AMZ2: variants seen among roughly 807,000 people sequenced by gnomAD.
AMZ2 encodes archaemetzincin-2.
AMZ2 carries 26 observed loss-of-function variants against 36.7 expected under a neutral mutation model. That is an observed-to-expected ratio of 0.71 (90% CI 0.52 to 0.98). The LOEUF (loss-of-function observed/expected upper bound fraction) is 0.98. AMZ2 is among the 50% of genes least tolerant of loss of function. The pLI is 0.00. For synonymous variants in AMZ2, 144 were observed against 149.1 expected (o/e 0.97, Z 0.25); for missense variants, 394 against 430.5 (o/e 0.92, Z 0.75).
At chr17:68,256,776 G>A in intron 6 of AMZ2, 38 bp from the exon 7 acceptor site, 4 of 1,597,516 alleles carry the variant, frequency 2.5e-6, no homozygotes, top group South Asian at 2.2e-5. Flanking sequence ...GTATTTTGCT[G>A]TGGTTTGTTG....
chr17:68,231,698 C>T (rs2073667570), intron 1 of AMZ2, among the ~76,000 whole-genome samples: 1 of 151,532 alleles, frequency 6.6e-6, no homozygotes, highest in African/African-American at 2.4e-5. Flanking sequence ...ACAGAATTAC[C>T]TTTCTTTTCT....
At chr17:68,210,298 A>T (rs1197058023) in intron 1 of AMZ2, among the ~76,000 whole-genome samples, 1 of 152,270 alleles carries the variant, frequency 6.6e-6, no homozygotes, top group African/African-American at 2.4e-5. Flanking sequence ...CATGTGCATT[A>T]ACTGATGAAT....
At chr17:68,215,236 A>G (rs1263537160) in intron 1 of AMZ2, among the ~76,000 whole-genome samples, 2 of 151,862 alleles carry the variant, frequency 1.3e-5, no homozygotes, top group Admixed American at 6.6e-5. Flanking sequence ...ATTTTAAGAA[A>G]TATGTGTAAA....
intron 1 of AMZ2, among the ~76,000 whole-genome samples, chr17:68,236,740 T>A (rs1444738440): frequency 3.0e-5 from 4 of 132,612 alleles, no homozygotes; most frequent in African/African-American, 6.3e-5. Flanking sequence ...TCCCAGCTAA[T>A]TTTTTTTTTA....
intron 1 of AMZ2, chr17:68,206,334 C>T (rs2072829715): frequency 8.5e-7 from 1 of 1,170,210 alleles, no homozygotes; most frequent in South Asian, 4.4e-5. Flanking sequence ...TCCGATCTCC[C>T]CCCAACCCCG....
chr17:68,207,817 G>A (rs12938265), intron 1 of AMZ2, among the ~76,000 whole-genome samples: 19,012 of 152,236 alleles, frequency 0.12, 1,331 homozygotes, highest in Non-Finnish European at 0.16. Flanking sequence ...GGCTGGCCAA[G>A]GCTGGAGCCG....
exon 1 of AMZ2, chr17:68,206,191 G>T: frequency 7.7e-7 from 1 of 1,304,806 alleles, no homozygotes; most frequent in Non-Finnish European, 9.8e-7. Flanking sequence ...GCCAGTTACT[G>T]CACAGAAAGC....
upstream of AMZ2, among the ~76,000 whole-genome samples, chr17:68,244,661 G>T (rs1291375635): frequency 2.0e-5 from 3 of 152,206 alleles, no homozygotes; most frequent in Non-Finnish European, 4.4e-5. Flanking sequence ...ACACAAAAAG[G>T]ATGAGAATGA....
At chr17:68,228,891 C>T (rs782330261) in intron 1 of AMZ2, among the ~76,000 whole-genome samples, 2 of 152,234 alleles carry the variant, frequency 1.3e-5, no homozygotes, top group Admixed American at 6.5e-5. Flanking sequence ...TCCGCGTGTG[C>T]TGGCCTGTTG....
chr17:68,232,122 A>G (rs1436318673), intron 1 of AMZ2, among the ~76,000 whole-genome samples: 42 of 69,232 alleles, frequency 6.1e-4, no homozygotes, highest in African/African-American at 3.4e-3. Context: ...GAAGTTTGTA[A>G]AAAAAAAAAA....
intron 1 of AMZ2, among the ~76,000 whole-genome samples, chr17:68,224,186 G>A (rs1555729290): frequency 1.3e-5 from 2 of 151,904 alleles, no homozygotes; most frequent in Non-Finnish European, 2.9e-5. Context: ...CAGGTGATCT[G>A]CCAGCCTCAG....
intron 1 of AMZ2, among the ~76,000 whole-genome samples, chr17:68,240,130 T>C (rs1223676356): frequency 6.6e-6 from 1 of 152,214 alleles, no homozygotes; most frequent in Admixed American, 6.5e-5. Flanking sequence ...GCCTGCTTTC[T>C]GGTTCAGAGA....
At chr17:68,217,757 A>T (rs2073234982) in intron 1 of AMZ2, among the ~76,000 whole-genome samples, 1 of 152,112 alleles carries the variant, frequency 6.6e-6, no homozygotes, top group Non-Finnish European at 1.5e-5. Flanking sequence ...TTATTTAATA[A>T]GTGCTTAAAA....
intron 6 of AMZ2, 72 bp from the exon 7 acceptor site, chr17:68,256,742 C>G: frequency 2.7e-6 from 4 of 1,508,102 alleles, no homozygotes; most frequent in Non-Finnish European, 2.7e-6. Flanking sequence ...GATCTAGAAG[C>G]CAATGCTTCT....
At chr17:68,209,576 TTGTG>T (rs1383954586) in intron 1 of AMZ2, among the ~76,000 whole-genome samples, 1 of 135,736 alleles carries the variant, frequency 7.4e-6, no homozygotes, top group Non-Finnish European at 1.6e-5. Context: ...AAGAAAATAA[TTGTG>T]GGTGTGTGTG....
intron 1 of AMZ2, chr17:68,206,356 A>G (rs1416820223): frequency 6.2e-6 from 6 of 973,854 alleles, no homozygotes; most frequent in Non-Finnish European, 7.8e-6. Flanking sequence ...CTCCCCCCCA[A>G]ACAGAGGGGA....
chr17:68,215,260 T>C (rs1484634499), intron 1 of AMZ2, among the ~76,000 whole-genome samples: 1 of 150,618 alleles, frequency 6.6e-6, no homozygotes, highest in Non-Finnish European at 1.5e-5. Flanking sequence ...TGTGTAACTT[T>C]TTTCTTTTCT....
At chr17:68,254,619 T>TGGAGG in intron 5 of AMZ2, 52 bp downstream of exon 5, 9 of 1,450,582 alleles carry the variant, frequency 6.2e-6, no homozygotes, top group Non-Finnish European at 7.6e-6. Flanking sequence ...AGATCTTAGT[T>TGGAGG]CCGTAAACTG....
chr17:68,222,594 T>C (rs7210021), intron 1 of AMZ2, among the ~76,000 whole-genome samples: 21,770 of 152,202 alleles, frequency 0.14, 1,705 homozygotes, highest in East Asian at 0.29. Context: ...AGCAGTGAGC[T>C]TGTTTTCCTG....
Sources: gnomAD v4.1 joint callset for allele counts (sites outside exome capture counted in the v4.1 genomes callset) on GRCh38, gnomAD v4.1.1 for gene constraint, MANE v1.5 for transcripts, NCBI Gene and HGNC (gene_info 2026-07-23, HGNC 2026-07-21) for gene names.